Variants in OSBPL10 observed in about 807,000 individuals in gnomAD.
OSBPL10 encodes oxysterol-binding protein-related protein 10.
Under a neutral mutation model 81.7 loss-of-function variants are expected in OSBPL10, and 49 were observed. The ratio of observed to expected loss-of-function variants is 0.60; its 90% CI spans 0.48 to 0.76. The LOEUF (loss-of-function observed/expected upper bound fraction) is 0.76, where lower values mean the gene tolerates loss of function less well. OSBPL10 is among the 30% of genes least tolerant of loss of function. OSBPL10 has a pLI of 0.00. For synonymous variants in OSBPL10, 419 were observed against 383.6 expected (o/e 1.09, Z -1.08); for missense variants, 923 against 987.8 (o/e 0.93, Z 0.88).
At chr3:31,901,900 C>A (rs113472140) in intron 1 of OSBPL10, among the ~76,000 whole-genome samples, 1 of 152,060 alleles carries the variant, frequency 6.6e-6, no homozygotes, top group Non-Finnish European at 1.5e-5. Flanking sequence ...TATGGTGCCG[C>A]GCACCTGTGG....
rs1372142313 is a variant in OSBPL10 at position 31,769,463 on chromosome 3, A to C, written c.730-21343T>G. Among the ~76,000 whole-genome samples, 4 of 100,254 alleles carry C rather than the reference A, an allele frequency of 4.0e-5. 1 individual carries two copies. The highest frequency in any genetic ancestry group is 4.0e-4 in the East Asian group (1 of 2,492). 65.8% of individuals were successfully genotyped at this position (100,254 alleles called of 152,430 possible). On this transcript the variant is annotated intron_variant, in intron 4 of 11. Coordinates refer to ENST00000396556, the MANE Select transcript of OSBPL10 (RefSeq NM_017784.5). ...TCCATCTCAAAAAAAAAAAAACAAA[A>C]AAAAAACAAAAAAAAACAGAATAAA...
At chr3:31,876,645 A>C (rs1701480019) in intron 2 of OSBPL10, 133 bp from the exon 3 acceptor site, 1 of 681,014 alleles carries the variant, frequency 1.5e-6, no homozygotes, top group Non-Finnish European at 2.6e-6. Context: ...GGAAGCAAGC[A>C]CAGATCACAA....
chr3:31,896,063 T>C (rs1401285023), intron 1 of OSBPL10, among the ~76,000 whole-genome samples: 1 of 152,204 alleles, frequency 6.6e-6, no homozygotes, highest in Non-Finnish European at 1.5e-5. Context: ...TTTATGATAA[T>C]TAAAAACAAT....
intron 2 of OSBPL10, chr3:31,990,926 A>G: frequency 6.3e-7 from 1 of 1,575,082 alleles, no homozygotes; most frequent in Non-Finnish European, 8.6e-7. Context: ...CAGAGAATCC[A>G]TACCGGACAG....
At chr3:31,682,673 C>T (rs1399411438) in intron 8 of OSBPL10, among the ~76,000 whole-genome samples, 1 of 152,230 alleles carries the variant, frequency 6.6e-6, no homozygotes, top group Non-Finnish European at 1.5e-5. Flanking sequence ...TTCTCTACAA[C>T]ACTTACCATT....
At chr3:31,752,713 G>T (rs976264495) in intron 4 of OSBPL10, among the ~76,000 whole-genome samples, 1 of 152,192 alleles carries the variant, frequency 6.6e-6, no homozygotes, top group Non-Finnish European at 1.5e-5. Flanking sequence ...CAAGGGCTGC[G>T]GGAGACAGCA....
intron 2 of OSBPL10, chr3:31,988,751 G>C (rs922453810): frequency 3.0e-6 from 1 of 331,186 alleles, no homozygotes; most frequent in Non-Finnish European, 5.6e-6. Context: ...GCCAGCCACT[G>C]TGTCAGTCAC....
intron 4 of OSBPL10, among the ~76,000 whole-genome samples, chr3:31,826,901 G>A (rs1278628918): frequency 6.6e-6 from 1 of 152,048 alleles, no homozygotes; most frequent in Admixed American, 6.6e-5. Context: ...CTTCCTAAAG[G>A]GGCTCGGCAC....
intron 5 of OSBPL10, among the ~76,000 whole-genome samples, chr3:31,739,936 T>G (rs1447900660): frequency 6.6e-6 from 1 of 152,234 alleles, no homozygotes; most frequent in Non-Finnish European, 1.5e-5. Context: ...AACTTCATCT[T>G]TTTATCTTAA....
chr3:31,867,133 C>T (rs1055712871), intron 3 of OSBPL10, among the ~76,000 whole-genome samples: 1 of 152,144 alleles, frequency 6.6e-6, no homozygotes, highest in African/African-American at 2.4e-5. Context: ...TCACAGGGAC[C>T]TACTGCCATC....
chr3:31,739,563 G>C (rs1697278375), intron 5 of OSBPL10, among the ~76,000 whole-genome samples: 1 of 152,228 alleles, frequency 6.6e-6, no homozygotes, highest in African/African-American at 2.4e-5. Flanking sequence ...AAGAGGAAGA[G>C]AGACCACTGC....
chr3:31,995,389 G>T (rs1221417467), intron 2 of OSBPL10, among the ~76,000 whole-genome samples: 1 of 152,168 alleles, frequency 6.6e-6, no homozygotes. Flanking sequence ...GCTAGGAAAA[G>T]AATTTAGCGA....
chr3:31,893,523 T>G (rs184752152), intron 1 of OSBPL10, among the ~76,000 whole-genome samples: 1 of 152,314 alleles, frequency 6.6e-6, no homozygotes, highest in East Asian at 1.9e-4. Flanking sequence ...TCAGTTTCAC[T>G]CCTAAGAATC....
intron 1 of OSBPL10, among the ~76,000 whole-genome samples, chr3:32,058,345 T>C (rs1024161407): frequency 1.3e-5 from 2 of 152,158 alleles, no homozygotes; most frequent in South Asian, 2.1e-4. Flanking sequence ...TGTTTTGTTT[T>C]TTTGAGACAG....
chr3:31,873,615 T>C (rs1575593796), intron 3 of OSBPL10, among the ~76,000 whole-genome samples: 1 of 151,974 alleles, frequency 6.6e-6, no homozygotes, highest in African/African-American at 2.4e-5. Context: ...TACGTAAGAG[T>C]TTTTAAAAGG....
At chr3:31,948,392 T>C (rs1282625720) in intron 1 of OSBPL10, among the ~76,000 whole-genome samples, 1 of 152,174 alleles carries the variant, frequency 6.6e-6, no homozygotes, top group African/African-American at 2.4e-5. Flanking sequence ...GCATGGAGTA[T>C]AATTTTACAA....
At chr3:31,857,045 G>C (rs1700930221) in intron 3 of OSBPL10, among the ~76,000 whole-genome samples, 1 of 152,192 alleles carries the variant, frequency 6.6e-6, no homozygotes, top group African/African-American at 2.4e-5. Flanking sequence ...AACAGAGTGA[G>C]ACCCTGCCTT....
At chr3:32,045,465 G>A (rs1575091644) in intron 2 of OSBPL10, among the ~76,000 whole-genome samples, 2 of 152,230 alleles carry the variant, frequency 1.3e-5, no homozygotes, top group Middle Eastern at 6.8e-3. Flanking sequence ...GCTGGGAGAG[G>A]GCATAAAAGG....
intron 4 of OSBPL10, among the ~76,000 whole-genome samples, chr3:31,783,146 T>TATATATATATATATACACACAC (rs1485968747): frequency 2.3e-4 from 26 of 112,974 alleles, no homozygotes; most frequent in African/African-American, 8.5e-4. Flanking sequence ...TATATATATA[T>TATATATATATATATACACACAC]ACACACACAC....
Sources: allele counts gnomAD v4.1 joint callset (sites outside exome capture counted in the v4.1 genomes callset), GRCh38; gene constraint gnomAD v4.1.1; transcripts MANE v1.5; gene names NCBI Gene and HGNC (gene_info 2026-07-23, HGNC 2026-07-21).